The following NPTN variants were observed in gnomAD, a reference collection of about 807,000 sequenced individuals.
The protein encoded by NPTN is neuroplastin.
Under a neutral mutation model 42.7 loss-of-function variants are expected in NPTN, and 5 were observed. The observed-to-expected ratio is 0.12, with a 90% CI of 0.06 to 0.25. NPTN has a LOEUF of 0.25. NPTN is among the 10% of genes least tolerant of loss of function. The pLI is 1.00. For missense variants in NPTN, 307 were observed against 525.4 expected, an observed-to-expected ratio of 0.58 and a Z score of 4.06; for synonymous variants, 180 against 201.9, an observed-to-expected ratio of 0.89 and a Z score of 0.92.
rs1294475693 is a variant in NPTN, at chr15:73,573,707, G to T, written c.795C>A (p.Pro265=). ...ATMYCKSVGY[P]HPDWIWRKKE... ...TCTTGCGCCATATCCAGTCTGGGTG[G>T]GGGTAGCCAACTGACTTGCAATACA... The change falls in exon 5 of 9, where the codon CCC becomes CCA. Residue 265 remains proline (P), a synonymous_variant. Coordinates refer to ENST00000345330, the MANE Select transcript of NPTN (RefSeq NM_012428.4). 1 of 1,595,542 alleles carries T rather than the reference G, an allele frequency of 6.3e-7. No individual in the cohort carries two copies. Among genetic ancestry groups the T allele is most frequent in the Admixed American group, 1.8e-5 (1 of 57,060 alleles).
At chr15:73,615,719 C>G (rs956603261) in intron 1 of NPTN, among the ~76,000 whole-genome samples, 2 of 152,086 alleles carry the variant, frequency 1.3e-5, no homozygotes, top group Non-Finnish European at 2.9e-5. Flanking sequence ...GTTTAAAAGG[C>G]ATTTGGCATT....
intron 1 of NPTN, among the ~76,000 whole-genome samples, chr15:73,619,564 G>C (rs1033128353): frequency 6.6e-6 from 1 of 152,140 alleles, no homozygotes; most frequent in Non-Finnish European, 1.5e-5. Flanking sequence ...ACTGCTACCT[G>C]GATACATTAA....
At chr15:73,621,698 T>G (rs1220205541) in intron 1 of NPTN, among the ~76,000 whole-genome samples, 1 of 152,234 alleles carries the variant, frequency 6.6e-6, no homozygotes, top group Non-Finnish European at 1.5e-5. Context: ...GTATAGTTCT[T>G]ATTCACATTT....
Position 73,569,500 on chromosome 15 carries a change from T to C in NPTN, c.1114+650A>G. On this transcript the variant is annotated intron_variant, in intron 6 of 8. Transcript: ENST00000345330. The surrounding 1 kb of genome is among the most constrained non-coding windows in gnomAD (Gnocchi z 4.1). ...TGTTCCGCCTTTGCTATCTCTGTCTTACACTAGATGGGTGGATACATCAGA... is the reference window on the plus strand; with the variant it reads ...TGTTCCGCCTTTGCTATCTCTGTCTCACACTAGATGGGTGGATACATCAGA... 1.0e-6 allele frequency: 1 copy of C among 985,428 alleles called. No homozygotes were observed. Among genetic ancestry groups the C allele is most frequent in the Non-Finnish European group, 1.2e-6 (1 of 829,938 alleles). 61.0% of individuals were successfully genotyped at this position (985,428 alleles called of 1,614,324 possible). A position where few individuals can be genotyped will look rare whatever the true frequency, so the allele number is the denominator to read the frequency against.
chr15:73,588,929 C>T (rs574917869), intron 3 of NPTN, among the ~76,000 whole-genome samples: 2 of 152,268 alleles, frequency 1.3e-5, no homozygotes, highest in South Asian at 2.1e-4. Context: ...GCCTGGAATA[C>T]GGCAGGGGAA....
At chr15:73,575,336 C>A (rs969505712) in intron 4 of NPTN, among the ~76,000 whole-genome samples, 1 of 151,738 alleles carries the variant, frequency 6.6e-6, no homozygotes, top group Non-Finnish European at 1.5e-5. Flanking sequence ...AGGCCGGTCT[C>A]GAACTGCTAA....
intron 2 of NPTN, among the ~76,000 whole-genome samples, chr15:73,593,982 T>C (rs1468911432): frequency 6.6e-6 from 1 of 151,998 alleles, no homozygotes; most frequent in Non-Finnish European, 1.5e-5. Flanking sequence ...AACCCTGCAA[T>C]GGAAGGCGCA....
intron 2 of NPTN, among the ~76,000 whole-genome samples, chr15:73,595,730 G>C (rs1029397786): frequency 1.1e-4 from 16 of 152,314 alleles, no homozygotes; most frequent in African/African-American, 3.6e-4. Context: ...TTCCAAAAGT[G>C]AATGTCCCCT....
At position 73,570,477 on chromosome 15, in the gene NPTN, C is replaced by A; in HGVS notation, c.841-54G>T. The A allele has an allele frequency of 1.3e-6, 2 of 1,536,710 alleles. No individual in the cohort carries two copies. Among genetic ancestry groups the A allele is most frequent in the South Asian group, 2.4e-5 (2 of 83,910 alleles). On this transcript the variant is annotated intron_variant, in intron 5 of 8. Coordinates refer to ENST00000345330, the MANE Select transcript of NPTN (RefSeq NM_012428.4). The surrounding 1 kb of genome is among the most constrained non-coding windows in gnomAD (Gnocchi z 4.0). ...GAGAGTGAGTAACTGAGCTAATGTT[C>A]AAGAGAGGGTGACACTGCTCTCCGT...
At chr15:73,607,361 C>A (rs1222409082) in intron 1 of NPTN, among the ~76,000 whole-genome samples, 1 of 152,200 alleles carries the variant, frequency 6.6e-6, no homozygotes, top group Non-Finnish European at 1.5e-5. Context: ...AACAAGCTTA[C>A]TTTCTGTCTC....
chr15:73,585,978 C>G (rs1049458831), intron 4 of NPTN, among the ~76,000 whole-genome samples: 9 of 152,224 alleles, frequency 5.9e-5, no homozygotes, highest in African/African-American at 4.8e-5. Context: ...ACCCCACCTT[C>G]GTAAGCAGCC....
intron 4 of NPTN, among the ~76,000 whole-genome samples, chr15:73,574,344 A>C (rs1315996533): frequency 6.6e-6 from 1 of 152,228 alleles, no homozygotes; most frequent in East Asian, 1.9e-4. Context: ...GAAAGAGGGA[A>C]TCCAGAAACT....
chr15:73,585,750 G>C (rs1009814984), intron 4 of NPTN, among the ~76,000 whole-genome samples: 1 of 152,192 alleles, frequency 6.6e-6, no homozygotes, highest in African/African-American at 2.4e-5. Context: ...GTCTACTTCT[G>C]TAAAACCAAG....
chr15:73,584,755 T>G (rs2141385578), intron 4 of NPTN, among the ~76,000 whole-genome samples: 1 of 148,288 alleles, frequency 6.7e-6, no homozygotes, highest in Non-Finnish European at 1.5e-5. Context: ...TATGCCACAT[T>G]GTGTCCTTTA....
rs200122152 is a variant in NPTN at position 73,561,689 on chromosome 15, AAAC to A, written c.*14+204_*14+206del. Reference sequence around the variant, plus strand: ...AGTGAGACTCCATCTTAAAAAATCCAAACAACAACAAAAAACAACGCAGCTGAA... The same window carrying A: ...AGTGAGACTCCATCTTAAAAAATCCAAACAACAAAAAACAACGCAGCTGAA... On this transcript the variant is annotated intron_variant, in intron 8 of 8. Transcript: ENST00000345330. 5.9e-3 allele frequency among the ~76,000 whole-genome samples: 904 copies of A among 152,300 alleles called. 11 individuals are homozygous for A. The highest frequency in any genetic ancestry group is 0.02 in the African/African-American group (835 of 41,546).
chr15:73,567,957 CTCTTT>C, intron 6 of NPTN: 1 of 985,444 alleles, frequency 1.0e-6, no homozygotes, highest in South Asian at 4.7e-5. Flanking sequence ...CTGCCGTCAT[CTCTTT>C]TAAGGGTAGG....
intron 1 of NPTN, among the ~76,000 whole-genome samples, chr15:73,623,069 T>C (rs1898214187): frequency 6.6e-6 from 1 of 152,216 alleles, no homozygotes; most frequent in Admixed American, 6.5e-5. Context: ...AGGTTTTTAA[T>C]AGCATACATT....
intron 3 of NPTN, among the ~76,000 whole-genome samples, chr15:73,591,420 T>G (rs1247431962): frequency 6.6e-6 from 1 of 152,170 alleles, no homozygotes; most frequent in Non-Finnish European, 1.5e-5. Flanking sequence ...CAAATATCCT[T>G]CTTTTTTCAA....
At chr15:73,602,540 C>A (rs1897124592) in intron 1 of NPTN, among the ~76,000 whole-genome samples, 1 of 152,204 alleles carries the variant, frequency 6.6e-6, no homozygotes. Flanking sequence ...TGCTGTGAGG[C>A]TGTCACAGAC....
Sources: allele counts gnomAD v4.1 joint callset (sites outside exome capture counted in the v4.1 genomes callset), GRCh38; gene constraint gnomAD v4.1.1; non-coding constraint Gnocchi (gnomAD v3.1); transcripts MANE v1.5; gene names NCBI Gene and HGNC (gene_info 2026-07-23, HGNC 2026-07-21).